ESCO1: variants seen among roughly 807,000 people sequenced by gnomAD.
ESCO1 encodes the protein establishment of sister chromatid cohesion N-acetyltransferase 1, also known as N-acetyltransferase ESCO1.
A neutral mutation model predicts 83.5 loss-of-function variants in ESCO1; 33 were observed. The observed-to-expected ratio is 0.40, with a 90% confidence interval of 0.30 to 0.53. The LOEUF is 0.53. Ranked by LOEUF, ESCO1 falls within the 20% of genes least tolerant of loss-of-function variation. The probability of loss-of-function intolerance (pLI) is 0.63; values close to 1 mark genes in which losing one functional copy is unlikely to be tolerated. For missense variants in ESCO1, 855 were observed against 968.0 expected (o/e 0.88, Z 1.55); for synonymous variants, 332 against 324.3 (o/e 1.02, Z -0.25).
At chr18:21,591,760 C>A (rs1331197841) in intron 1 of ESCO1, among the ~76,000 whole-genome samples, 1 of 151,292 alleles carries the variant, frequency 6.6e-6, no homozygotes, top group African/African-American at 2.4e-5. Context: ...GAGGGAAGGT[C>A]AGCAGATAAA....
Position 21,545,918 on chromosome 18 carries a change from G to A in ESCO1, c.1954-5909C>T, listed in dbSNP as rs1158068655. On this transcript the variant is annotated intron_variant, in intron 8 of 11. Transcript: ENST00000269214. ...GCACTCCAGCCTGGGTGACAAGAGCGAAACTCCATCTCAAAAACAAAAAAA... is the reference window on the plus strand; with the variant it reads ...GCACTCCAGCCTGGGTGACAAGAGCAAAACTCCATCTCAAAAACAAAAAAA... 3.9e-5 allele frequency among the ~76,000 whole-genome samples: 6 copies of A among 152,052 alleles called. 1 individual carries two copies. Among genetic ancestry groups the A allele is most frequent in the East Asian group, 1.9e-4 (1 of 5,180 alleles).
chr18:21,576,796 A>T (rs547011477), intron 2 of ESCO1, among the ~76,000 whole-genome samples: 1 of 152,268 alleles, frequency 6.6e-6, no homozygotes, highest in South Asian at 2.1e-4. Flanking sequence ...GCACTTTGGG[A>T]GGCCAAAGCA....
chr18:21,590,996 C>T (rs1256536766), intron 1 of ESCO1, among the ~76,000 whole-genome samples: 2 of 151,858 alleles, frequency 1.3e-5, no homozygotes, highest in Non-Finnish European at 1.5e-5. Flanking sequence ...ACCCTTTTCT[C>T]TAAAACTCTC....
rs12965766 is a variant in ESCO1, at chr18:21,540,031, T to C, written c.1954-22A>G. On this transcript the variant is annotated intron_variant, in intron 8 of 11. Transcript: ENST00000269214. ...AGCCCTAGATATATATATATATATATACACACATATGTAAAGTATGAATTT... is the reference window on the plus strand; with the variant it reads ...AGCCCTAGATATATATATATATATACACACACATATGTAAAGTATGAATTT... 3.2e-3 allele frequency: 1,914 copies of C among 596,244 alleles called. 16 individuals carry two copies. The highest frequency in any genetic ancestry group is 0.027 in the African/African-American group (1,210 of 44,808). 36.9% of individuals were successfully genotyped at this position (596,244 alleles called of 1,614,324 possible). A position where few individuals can be genotyped will look rare whatever the true frequency, so the allele number is the denominator to read the frequency against.
In ESCO1 at chr18:21,574,559, T is replaced by C. The variant is rs377154348; in HGVS notation, c.285A>G (p.Gln95=). 64 of 1,613,874 alleles carry C rather than the reference T, an allele frequency of 4.0e-5. No homozygotes were observed. Among genetic ancestry groups the C allele is most frequent in the Admixed American group, 1.2e-4 (7 of 59,952 alleles). Residue 95 remains glutamine (Q), a synonymous_variant, in exon 4 of 12, where the codon CAA becomes CAG. Coordinates refer to ENST00000269214, the MANE Select transcript of ESCO1 (RefSeq NM_052911.3). ...GAGATAATTTCTTTTTTGTAGATTC[T>C]TGTGAATATCCCCTCACAGTCACCG... ...KNTVTVRGYS[Q]ESTKKKLSQK... is the part of the protein sequence containing the mutation.
At chr18:21,539,823 G>A in intron 9 of ESCO1, 97 bp downstream of exon 9, 2 of 989,288 alleles carry the variant, frequency 2.0e-6, no homozygotes, top group Admixed American at 4.1e-5. Context: ...ACTCCAGCCT[G>A]AGCGACAGAG....
chr18:21,579,794 G>GCACACACA (rs765904584), intron 2 of ESCO1, among the ~76,000 whole-genome samples: 32 of 37,160 alleles, frequency 8.6e-4, no homozygotes, highest in East Asian at 3.1e-3. Context: ...ACGCGCGCGC[G>GCACACACA]CACACACACA....
chr18:21,554,634 G>A (rs1295542614), intron 8 of ESCO1, among the ~76,000 whole-genome samples: 2 of 152,120 alleles, frequency 1.3e-5, no homozygotes, highest in African/African-American at 2.4e-5. Flanking sequence ...ATTAGGCAAG[G>A]CGTGGTGGCT....
At chr18:21,594,060 G>A (rs1364781411) in intron 1 of ESCO1, among the ~76,000 whole-genome samples, 4 of 152,156 alleles carry the variant, frequency 2.6e-5, no homozygotes, top group African/African-American at 7.2e-5. Context: ...CAGCAGCCCC[G>A]ACCTCCATCC....
chr18:21,588,867 G>A (rs541921973), intron 1 of ESCO1, among the ~76,000 whole-genome samples: 1 of 151,998 alleles, frequency 6.6e-6, no homozygotes, highest in African/African-American at 2.4e-5. Flanking sequence ...CTCCAAGCTG[G>A]GCAACAGAGT....
intron 2 of ESCO1, among the ~76,000 whole-genome samples, chr18:21,584,094 T>C (rs1350998718): frequency 2.0e-5 from 3 of 152,218 alleles, no homozygotes; most frequent in African/African-American, 7.2e-5. Context: ...ATAATAGTGA[T>C]GATTTCTAAA....
At position 21,568,212 on chromosome 18, in the gene ESCO1, C is replaced by G. The variant is rs943211801; in HGVS notation, c.1531-118G>C. 65 of 704,100 alleles carry G rather than the reference C, an allele frequency of 9.2e-5. 1 individual carries two copies. The highest frequency in any genetic ancestry group is 6.8e-4 in the Admixed American group (28 of 41,392). 43.6% of individuals were successfully genotyped at this position (704,100 alleles called of 1,614,324 possible). A position where few individuals can be genotyped will look rare whatever the true frequency, so the allele number is the denominator to read the frequency against. Reference sequence around the variant, plus strand: ...TACTTTTTATTTGGAGCAATTAATACAGACATGAAGTCTCCCCATGATCTT... The same window carrying G: ...TACTTTTTATTTGGAGCAATTAATAGAGACATGAAGTCTCCCCATGATCTT... On this transcript the variant is annotated intron_variant, in intron 4 of 11. Transcript: ENST00000269214.
intron 4 of ESCO1, among the ~76,000 whole-genome samples, chr18:21,571,380 G>C (rs1181786241): frequency 6.6e-6 from 1 of 151,966 alleles, no homozygotes; most frequent in Non-Finnish European, 1.5e-5. Flanking sequence ...GAAGAGATGG[G>C]GTTTCACCAT....
intron 2 of ESCO1, among the ~76,000 whole-genome samples, chr18:21,580,623 A>G (rs1415540362): frequency 6.6e-6 from 1 of 152,214 alleles, no homozygotes; most frequent in Non-Finnish European, 1.5e-5. Context: ...GAGACTGCAC[A>G]TGTGTGTGCT....
intron 8 of ESCO1, among the ~76,000 whole-genome samples, chr18:21,558,695 C>T (rs145340732): frequency 6.8e-6 from 1 of 146,926 alleles, no homozygotes; most frequent in African/African-American, 2.5e-5. Context: ...CCACTGCACT[C>T]CAGCCTGGGT....
chr18:21,590,049 G>C (rs564778020), intron 1 of ESCO1, among the ~76,000 whole-genome samples: 2 of 151,676 alleles, frequency 1.3e-5, no homozygotes, highest in South Asian at 4.2e-4. Context: ...GGATCGTCTC[G>C]ATCTCCTGAC....
At chr18:21,580,408 C>A (rs1422486608) in intron 2 of ESCO1, among the ~76,000 whole-genome samples, 1 of 152,084 alleles carries the variant, frequency 6.6e-6, no homozygotes, top group Non-Finnish European at 1.5e-5. Context: ...GAAAATTATT[C>A]AAAATGCTGA....
In ESCO1 at chr18:21,549,733, G is replaced by A. The variant is rs951134505; in HGVS notation, c.1954-9724C>T. Among the ~76,000 whole-genome samples, 8 of 152,220 alleles carry A rather than the reference G, an allele frequency of 5.3e-5. No individual in the cohort carries two copies. In the South Asian group the frequency reaches 1.2e-3, roughly 24 times the overall value. ...TGTGATCTCAGCACTTTGGGAGGCC[G>A]AGGCGGGTGGATTACCTGAGGTCAG... is the stretch of plus-strand genomic sequence containing the variant. On this transcript the variant is annotated intron_variant, in intron 8 of 11. Transcript: ENST00000269214.
chr18:21,565,888 G>A (rs1167903443), intron 6 of ESCO1, among the ~76,000 whole-genome samples: 1 of 152,078 alleles, frequency 6.6e-6, no homozygotes, highest in East Asian at 1.9e-4. Flanking sequence ...CAGTGATTGT[G>A]CCACTGCACT....
Sources: gnomAD v4.1 joint callset for allele counts (sites outside exome capture counted in the v4.1 genomes callset) on GRCh38, gnomAD v4.1.1 for gene constraint, MANE v1.5 for transcripts, NCBI Gene and HGNC (gene_info 2026-07-23, HGNC 2026-07-21) for gene names.